Variants in TRHDE observed in about 807,000 individuals in gnomAD.
TRHDE encodes thyrotropin releasing hormone degrading enzyme.
A neutral mutation model predicts 125.7 loss-of-function variants in TRHDE; 72 were observed. That is an observed-to-expected ratio of 0.57 (90% CI 0.47 to 0.70). The LOEUF is 0.70. TRHDE is among the 30% of genes least tolerant of loss of function. The pLI is 0.00. For synonymous variants in TRHDE, 509 were observed against 509.1 expected (o/e 1.00, Z 0.00); for missense variants, 1,110 against 1,327.1 (o/e 0.84, Z 2.54).
chr12:72,432,863 G>T (rs1421693974), intron 3 of TRHDE, among the ~76,000 whole-genome samples: 1 of 152,136 alleles, frequency 6.6e-6, no homozygotes, highest in East Asian at 1.9e-4. Context: ...AATAGAAGTG[G>T]AGAGAGTGAA....
chr12:72,503,827 C>G (rs1330709553), intron 6 of TRHDE, among the ~76,000 whole-genome samples: 1 of 152,140 alleles, frequency 6.6e-6, no homozygotes, highest in African/African-American at 2.4e-5. Context: ...GAAGCTATAT[C>G]TGTTTCCCCA....
intron 7 of TRHDE, among the ~76,000 whole-genome samples, chr12:72,556,258 C>G (rs1190474108): frequency 6.6e-6 from 1 of 152,026 alleles, no homozygotes; most frequent in Non-Finnish European, 1.5e-5. Context: ...TTTGCTTAAC[C>G]CATTAGGGTT....
intron 5 of TRHDE, among the ~76,000 whole-genome samples, chr12:72,488,127 C>A (rs1877497933): frequency 6.6e-6 from 1 of 151,866 alleles, no homozygotes; most frequent in Non-Finnish European, 1.5e-5. Flanking sequence ...TATAAAACAA[C>A]CAGAAAACAA....
At chr12:72,619,089 T>C in intron 13 of TRHDE, 51 bp downstream of exon 13, 1 of 1,363,798 alleles carries the variant, frequency 7.3e-7, no homozygotes, top group Non-Finnish European at 9.7e-7. Context: ...CACTATTTTA[T>C]TCTCTTTCTA....
rs567481835 is a variant in TRHDE at position 72,582,566 on chromosome 12, G to A, written c.2321+7024G>A. 87 of 985,380 alleles carry A rather than the reference G, an allele frequency of 8.8e-5. No individual in the cohort carries two copies. The African/African-American group carries it at 1.5e-3, about 17-fold the overall frequency. The allele number at this position is 985,380 out of a possible 1,614,324, so 61.0% of individuals were successfully genotyped here. A position where few individuals can be genotyped will look rare whatever the true frequency, so the allele number is the denominator to read the frequency against. ...TTTTCACTTATTGCAGTAAATAGTA[G>A]TATAATGTGCCTGAAAAGCAAGTGC... On this transcript the variant is annotated intron_variant, in intron 12 of 18. Transcript: ENST00000261180.
chr12:72,168,082 C>T (rs1391380629), intron 2 of TRHDE, among the ~76,000 whole-genome samples: 1 of 152,100 alleles, frequency 6.6e-6, no homozygotes, highest in African/African-American at 2.4e-5. Flanking sequence ...TAGAATGTCT[C>T]CTATAACTGC....
chr12:72,113,560 A>G (rs1426143544), intron 2 of TRHDE, among the ~76,000 whole-genome samples: 2 of 151,906 alleles, frequency 1.3e-5, no homozygotes, highest in Non-Finnish European at 2.9e-5. Flanking sequence ...AGCCTCCCAA[A>G]GTACTGAAAT....
intron 18 of TRHDE, among the ~76,000 whole-genome samples, chr12:72,658,542 C>T (rs1338017442): frequency 1.3e-5 from 2 of 152,110 alleles, no homozygotes; most frequent in African/African-American, 2.4e-5. Flanking sequence ...ACTCCGTTTG[C>T]CTTTCATATT....
chr12:72,486,527 T>C (rs962638146), intron 5 of TRHDE, among the ~76,000 whole-genome samples: 1 of 152,122 alleles, frequency 6.6e-6, no homozygotes, highest in African/African-American at 2.4e-5. Context: ...CCAAGACCAC[T>C]GAGGTACCAC....
At position 72,272,592 on chromosome 12, in the gene TRHDE, C is replaced by A; in HGVS notation, c.-52C>A. Reference sequence around the variant, plus strand: ...CCTGCTCTGGCTGTGGCCCGGGTGGCCCGCCCGCGGGGGGTGCCAGAGGGG... The same window carrying A: ...CCTGCTCTGGCTGTGGCCCGGGTGGACCGCCCGCGGGGGGTGCCAGAGGGG... On this transcript the variant is annotated 5_prime_UTR_variant, in exon 1 of 19. Coordinates refer to ENST00000261180, the MANE Select transcript of TRHDE (RefSeq NM_013381.3). This position sits in a 1 kb window ranked among gnomAD's most constrained non-coding sequence, Gnocchi z 6.7. 1 of 750,518 alleles carries A rather than the reference C, an allele frequency of 1.3e-6. No individual in the cohort carries two copies. Among genetic ancestry groups the A allele is most frequent in the Non-Finnish European group, 2.1e-6 (1 of 486,700 alleles). The allele number at this position is 750,518 out of a possible 1,614,324, so 46.5% of individuals were successfully genotyped here.
chr12:72,201,891 T>G (rs982815183), intron 2 of TRHDE, among the ~76,000 whole-genome samples: 3 of 152,212 alleles, frequency 2.0e-5, no homozygotes, highest in South Asian at 2.1e-4. Context: ...GTTGTTAGAC[T>G]CATAAAACTA....
At chr12:72,567,965 A>C (rs761885576) in intron 9 of TRHDE, among the ~76,000 whole-genome samples, 1 of 152,074 alleles carries the variant, frequency 6.6e-6, no homozygotes, top group Non-Finnish European at 1.5e-5. Flanking sequence ...TTGACACATC[A>C]AGCTAGAAAT....
At chr12:72,557,331 G>A (rs906853160) in intron 7 of TRHDE, among the ~76,000 whole-genome samples, 2 of 152,112 alleles carry the variant, frequency 1.3e-5, no homozygotes, top group African/African-American at 4.8e-5. Flanking sequence ...TCATAGATGG[G>A]GTGGGACCAA....
chr12:72,500,607 G>T (rs1878108540), intron 6 of TRHDE, among the ~76,000 whole-genome samples: 1 of 151,888 alleles, frequency 6.6e-6, no homozygotes, highest in South Asian at 2.1e-4. Context: ...GGCCAGGCTG[G>T]TCTCAAACTC....
intron 2 of TRHDE, among the ~76,000 whole-genome samples, chr12:72,217,050 A>G (rs1877907979): frequency 6.6e-6 from 1 of 152,050 alleles, no homozygotes; most frequent in African/African-American, 2.4e-5. Flanking sequence ...TATATACTCC[A>G]TAAATGATTT....
At chr12:72,342,966 T>G (rs984387771) in intron 2 of TRHDE, among the ~76,000 whole-genome samples, 1 of 152,170 alleles carries the variant, frequency 6.6e-6, no homozygotes, top group African/African-American at 2.4e-5. Flanking sequence ...TCTAACGTCC[T>G]ATGAGGTGGG....
chr12:72,286,624 G>T, intron 1 of TRHDE, 57 bp from the exon 2 acceptor site: 2 of 1,493,984 alleles, frequency 1.3e-6, no homozygotes, highest in Non-Finnish European at 1.8e-6. Flanking sequence ...ATGTAATGTG[G>T]CCATAACTTA....
chr12:72,273,637 C>A lies in TRHDE; in HGVS notation c.914+80C>A. 7.2e-7 allele frequency: 1 copy of A among 1,386,280 alleles called. No homozygotes were observed. The highest frequency in any genetic ancestry group is 9.8e-7 in the Non-Finnish European group (1 of 1,025,146). 85.9% of individuals were successfully genotyped at this position (1,386,280 alleles called of 1,614,324 possible). A position where few individuals can be genotyped will look rare whatever the true frequency, so the allele number is the denominator to read the frequency against. On this transcript the variant is annotated intron_variant, in intron 1 of 18. Transcript: ENST00000261180. This position sits in a 1 kb window ranked among gnomAD's most constrained non-coding sequence, Gnocchi z 5.3. Reference sequence around the variant, plus strand: ...TCTGGGCGGCCTGCGACCCCGGGGACCCAGCTGGCTTCCAATACCCGGGAA... The same window carrying A: ...TCTGGGCGGCCTGCGACCCCGGGGAACCAGCTGGCTTCCAATACCCGGGAA...
intron 9 of TRHDE, among the ~76,000 whole-genome samples, chr12:72,568,313 C>T (rs34577733): frequency 0.012 from 1,772 of 151,812 alleles, 12 homozygotes; most frequent in Non-Finnish European, 0.018. Flanking sequence ...ATCTTTTTTC[C>T]CCCAAGAAAA....
Sources: allele counts gnomAD v4.1 joint callset (sites outside exome capture counted in the v4.1 genomes callset), GRCh38; gene constraint gnomAD v4.1.1; non-coding constraint Gnocchi (gnomAD v3.1); transcripts MANE v1.5; gene names NCBI Gene and HGNC (gene_info 2026-07-23, HGNC 2026-07-21).